The following RPS6KA2 variants were observed in gnomAD, a reference collection of about 807,000 sequenced individuals.
RPS6KA2 encodes the protein ribosomal protein S6 kinase alpha-2.
In RPS6KA2, 42 loss-of-function variants were observed where a neutral mutation model predicts 91.8. The ratio of observed to expected loss-of-function variants is 0.46; its 90% CI spans 0.36 to 0.59. The LOEUF is 0.59. RPS6KA2 is among the 20% of genes least tolerant of loss of function. RPS6KA2 has a pLI of 0.00. For missense variants in RPS6KA2, 798 were observed against 978.5 expected (o/e 0.82, Z 2.46); for synonymous variants, 414 against 393.6 (o/e 1.05, Z -0.61).
chr6:166,523,563 G>T (rs2128488776), intron 3 of RPS6KA2, among the ~76,000 whole-genome samples: 1 of 152,194 alleles, frequency 6.6e-6, no homozygotes, highest in South Asian at 2.1e-4. Flanking sequence ...TAAAGATGAT[G>T]ATTTATAAAA....
chr6:166,670,322 A>G (rs1041197245), intron 2 of RPS6KA2, among the ~76,000 whole-genome samples: 1 of 152,186 alleles, frequency 6.6e-6, no homozygotes, highest in African/African-American at 2.4e-5. Flanking sequence ...TGATTCCCCA[A>G]CGTCATCCTT....
chr6:166,713,801 CT>C (rs1789935543), intron 2 of RPS6KA2, among the ~76,000 whole-genome samples: 1 of 152,220 alleles, frequency 6.6e-6, no homozygotes, highest in Non-Finnish European at 1.5e-5. Flanking sequence ...GGGGTCAGCA[CT>C]GGCCACGTTA....
At chr6:166,799,707 A>T (rs1025903018) in intron 2 of RPS6KA2, among the ~76,000 whole-genome samples, 2 of 152,208 alleles carry the variant, frequency 1.3e-5, no homozygotes, top group Non-Finnish European at 2.9e-5. Context: ...AATGTTTTGA[A>T]AGGCCAGAAG....
chr6:166,582,379 T>C (rs1189055799), intron 1 of RPS6KA2, among the ~76,000 whole-genome samples: 1 of 152,220 alleles, frequency 6.6e-6, no homozygotes, highest in African/African-American at 2.4e-5. Flanking sequence ...ACCAAACTTC[T>C]TGGGAGAGTG....
At position 166,442,023 on chromosome 6, in the gene RPS6KA2, G is replaced by A. The variant is rs538276266; in HGVS notation, c.1332+6701C>T. ...ACCATGGCCCACTTGGTGGCAGCAG[G>A]ACCTTTCACTGGGGTACACCCAGAC... On this transcript the variant is annotated intron_variant, in intron 14 of 20. Transcript: ENST00000265678. Among the ~76,000 whole-genome samples, 20 of 152,322 alleles carry A rather than the reference G, an allele frequency of 1.3e-4. No homozygotes were observed. The South Asian group carries it at 4.1e-3, about 32-fold the overall frequency.
chr6:166,625,340 C>G (rs1438412933), intron 1 of RPS6KA2, among the ~76,000 whole-genome samples: 3 of 122,348 alleles, frequency 2.5e-5, no homozygotes, highest in Admixed American at 8.4e-5. Flanking sequence ...CACCCCCCCC[C>G]CCGCTTGTTT....
At chr6:166,564,885 T>C (rs1784449084) in intron 1 of RPS6KA2, among the ~76,000 whole-genome samples, 1 of 152,190 alleles carries the variant, frequency 6.6e-6, no homozygotes, top group East Asian at 1.9e-4. Flanking sequence ...GGCCCTGTGC[T>C]TCAGGGAGCG....
chr6:166,725,291 C>T (rs1006862605), intron 2 of RPS6KA2, among the ~76,000 whole-genome samples: 2 of 152,194 alleles, frequency 1.3e-5, no homozygotes, highest in East Asian at 1.9e-4. Flanking sequence ...TTGAAAACAA[C>T]CTTAGCTCTG....
chr6:166,684,771 T>C (rs1788955894), intron 2 of RPS6KA2, among the ~76,000 whole-genome samples: 1 of 152,196 alleles, frequency 6.6e-6, no homozygotes, highest in African/African-American at 2.4e-5. Flanking sequence ...ACCTCCCAAC[T>C]TGAACATTTA....
intron 2 of RPS6KA2, among the ~76,000 whole-genome samples, chr6:166,652,635 A>G (rs1787886540): frequency 1.3e-5 from 2 of 151,860 alleles, no homozygotes; most frequent in Non-Finnish European, 2.9e-5. Flanking sequence ...GACCAACTCA[A>G]CTCTGATCTC....
intron 2 of RPS6KA2, among the ~76,000 whole-genome samples, chr6:166,730,259 T>C (rs371065818): frequency 5.8e-4 from 88 of 151,526 alleles, no homozygotes; most frequent in African/African-American, 2.0e-3. Context: ...GTAAACTGTA[T>C]GGGAGGCATT....
In RPS6KA2 at chr6:166,494,894, A is replaced by G. The variant is rs547062052; in HGVS notation, c.747+3614T>C. 6.6e-6 allele frequency among the ~76,000 whole-genome samples: 1 copy of G among 152,302 alleles called. No homozygotes were observed. Among genetic ancestry groups the G allele is most frequent in the African/African-American group, 2.4e-5 (1 of 41,558 alleles). ...TTTTAAAACAAGGCCCCTCACACGC[A>G]CAACGGCTCTGCACCGATCCGCTTA... On this transcript the variant is annotated intron_variant, in intron 8 of 20. Transcript: ENST00000265678. This position sits in a 1 kb window ranked among gnomAD's most constrained non-coding sequence, Gnocchi z 5.1.
At chr6:166,530,734 G>A (rs1192177053) in intron 3 of RPS6KA2, among the ~76,000 whole-genome samples, 11 of 152,232 alleles carry the variant, frequency 7.2e-5, no homozygotes, top group Admixed American at 1.3e-4. Flanking sequence ...TGACTCTAAC[G>A]CTGCACTAGG....
intron 3 of RPS6KA2, among the ~76,000 whole-genome samples, chr6:166,529,071 G>T (rs1173224421): frequency 3.3e-5 from 5 of 152,162 alleles, no homozygotes; most frequent in Admixed American, 3.3e-4. Context: ...CCATTACTGG[G>T]TATATACCCA....
At chr6:166,669,983 C>T (rs1788425584) in intron 2 of RPS6KA2, among the ~76,000 whole-genome samples, 1 of 152,238 alleles carries the variant, frequency 6.6e-6, no homozygotes, top group African/African-American at 2.4e-5. Context: ...AGGGTTGCTC[C>T]TCCCTCTTGC....
rs994028863 is a variant in RPS6KA2 at position 166,434,015 on chromosome 6, C to A, written c.1333-1525G>T. 1.3e-5 allele frequency among the ~76,000 whole-genome samples: 2 copies of A among 152,200 alleles called. No homozygotes were observed. The highest frequency in any genetic ancestry group is 3.8e-4 in the East Asian group (2 of 5,196). On this transcript the variant is annotated intron_variant, in intron 14 of 20. Transcript: ENST00000265678. This position sits in a 1 kb window ranked among gnomAD's most constrained non-coding sequence, Gnocchi z 4.4. ...CTTCAAGTGATCCTCCTGCCTCAGC[C>A]TCCCAAAGTGCTGAGATTACAGGCA...
chr6:166,420,041 G>A lies in RPS6KA2; in HGVS notation c.1744-83C>T, dbSNP rs1191635598. ...GCACGTTTCTCCAGCGGCATCCTAC[G>A]CCGGCAAGCTGGGGACCAGGAGGAG... On this transcript the variant is annotated intron_variant, in intron 17 of 20. Coordinates refer to ENST00000265678, the MANE Select transcript of RPS6KA2 (RefSeq NM_021135.6). 8.3e-6 allele frequency: 11 copies of A among 1,331,550 alleles called. No individual in the cohort carries two copies. In the Admixed American group the frequency reaches 8.7e-5, roughly 10 times the overall value. The allele number at this position is 1,331,550 out of a possible 1,614,324, so 82.5% of individuals were successfully genotyped here. A position where few individuals can be genotyped will look rare whatever the true frequency, so the allele number is the denominator to read the frequency against.
rs371271099 is a variant in RPS6KA2, at chr6:166,495,082, C to T, written c.747+3426G>A. On this transcript the variant is annotated intron_variant, in intron 8 of 20. Transcript: ENST00000265678. The surrounding 1 kb of genome is among the most constrained non-coding windows in gnomAD (Gnocchi z 4.4). The stretch of plus-strand genomic sequence containing the variant: ...TGTGTGCAGCCAGTCACCACGTGGG[C>T]GGGCGGCACTAAATGAGAATGTGTT... Among the ~76,000 whole-genome samples the T allele has an allele frequency of 2.6e-5, 4 of 152,328 alleles. No individual in the cohort carries two copies. Among genetic ancestry groups the T allele is most frequent in the African/African-American group, 7.2e-5 (3 of 41,574 alleles).
chr6:166,789,452 CAAAA>C (rs1435165995), intron 2 of RPS6KA2, among the ~76,000 whole-genome samples: 1 of 152,216 alleles, frequency 6.6e-6, no homozygotes, highest in Admixed American at 6.5e-5. Flanking sequence ...CACAGACAAA[CAAAA>C]AGACAGCAGT....
Sources: gnomAD v4.1 joint callset for allele counts (sites outside exome capture counted in the v4.1 genomes callset) on GRCh38, gnomAD v4.1.1 for gene constraint, Gnocchi (gnomAD v3.1) non-coding constraint, MANE v1.5 for transcripts, NCBI Gene and HGNC (gene_info 2026-07-23, HGNC 2026-07-21) for gene names.